MROH9: variants seen among roughly 807,000 people sequenced by gnomAD.
MROH9 encodes maestro heat-like repeat-containing protein family member 9.
A neutral mutation model predicts 98.2 loss-of-function variants in MROH9; 92 were observed. The ratio of observed to expected loss-of-function variants is 0.94; its 90% CI spans 0.79 to 1.11. The LOEUF (loss-of-function observed/expected upper bound fraction) is 1.11. Ranked by LOEUF, MROH9 falls within the 50% of genes most tolerant of loss-of-function variation. MROH9 has a pLI of 0.00. For synonymous variants in MROH9, 397 were observed against 368.9 expected, an observed-to-expected ratio of 1.08 and a Z score of -0.87; for missense variants, 1,057 against 1,014.8, an observed-to-expected ratio of 1.04 and a Z score of -0.57.
intron 15 of MROH9, among the ~76,000 whole-genome samples, chr1:171,007,437 C>A (rs1432790554): frequency 1.3e-5 from 2 of 152,164 alleles, no homozygotes; most frequent in African/African-American, 2.4e-5. Context: ...GGTCCCAGGG[C>A]AGGACTGGCT....
intron 18 of MROH9, 51 bp downstream of exon 18, chr1:171,024,598 T>C: frequency 6.5e-7 from 1 of 1,531,442 alleles, no homozygotes; most frequent in African/African-American, 1.4e-5. Context: ...TTGTAATGTT[T>C]TATCTAACAA....
chr1:171,035,221 T>C lies in MROH9; in HGVS notation c.2281+9801T>C, dbSNP rs115074956. Among the ~76,000 whole-genome samples the C allele has an allele frequency of 4.9e-3, 745 of 151,634 alleles. 6 individuals are homozygous for C. Among genetic ancestry groups the C allele is most frequent in the African/African-American group, 0.017 (697 of 41,392 alleles). On this transcript the variant is annotated intron_variant, in intron 20 of 21. Transcript: ENST00000367759. ...AAATGTATTAATTTTGATATATTAA[T>C]TATAATAACTTAGAAAAAGACAAAA...
intron 20 of MROH9, among the ~76,000 whole-genome samples, chr1:171,039,812 T>A (rs1248143684): frequency 1.3e-5 from 2 of 152,124 alleles, no homozygotes; most frequent in Non-Finnish European, 2.9e-5. Context: ...ATAAAGGACG[T>A]CCCACAAAAC....
At chr1:171,001,764 C>T (rs920869776) in intron 15 of MROH9, among the ~76,000 whole-genome samples, 2 of 152,022 alleles carry the variant, frequency 1.3e-5, no homozygotes, top group East Asian at 3.9e-4. Flanking sequence ...CCATTTGTTC[C>T]AATGTATAGT....
chr1:171,034,084 T>C (rs1382067506), intron 20 of MROH9, among the ~76,000 whole-genome samples: 1 of 152,150 alleles, frequency 6.6e-6, no homozygotes, highest in African/African-American at 2.4e-5. Flanking sequence ...GTCATTAAAC[T>C]TCTTTACTTC....
chr1:171,049,912 G>A (rs1653610786), intron 20 of MROH9, among the ~76,000 whole-genome samples: 7 of 152,024 alleles, frequency 4.6e-5, no homozygotes, highest in Admixed American at 4.6e-4. Context: ...AAACTCTTGG[G>A]CTCAAGCAAT....
At chr1:171,032,186 T>C (rs1652938918) in intron 20 of MROH9, among the ~76,000 whole-genome samples, 1 of 152,230 alleles carries the variant, frequency 6.6e-6, no homozygotes, top group East Asian at 1.9e-4. Context: ...TATAACCTTT[T>C]ATCAAAGTTC....
At chr1:171,011,435 C>CATTG (rs112769921) in intron 15 of MROH9, among the ~76,000 whole-genome samples, 36,256 of 151,902 alleles carry the variant, frequency 0.24, 5,156 homozygotes, top group African/African-American at 0.41. Flanking sequence ...GGAAATAATG[C>CATTG]ATTATTACCA....
intron 8 of MROH9, among the ~76,000 whole-genome samples, chr1:170,980,628 A>G (rs1650893523): frequency 6.6e-6 from 1 of 152,182 alleles, no homozygotes; most frequent in Non-Finnish European, 1.5e-5. Context: ...CTCAAAATGG[A>G]TTAAGACTTA....
chr1:170,967,426 T>A (rs530540248), intron 7 of MROH9, among the ~76,000 whole-genome samples: 11 of 152,266 alleles, frequency 7.2e-5, no homozygotes, highest in African/African-American at 2.6e-4. Flanking sequence ...AACAAAAAAA[T>A]CAAAACACAC....
intron 14 of MROH9, among the ~76,000 whole-genome samples, chr1:170,997,895 G>A (rs954935717): frequency 2.6e-5 from 4 of 152,130 alleles, no homozygotes; most frequent in Non-Finnish European, 5.9e-5. Flanking sequence ...CACTAAAATA[G>A]GACATTCTGT....
chr1:171,028,816 G>A (rs537146966), intron 20 of MROH9, among the ~76,000 whole-genome samples: 1 of 152,136 alleles, frequency 6.6e-6, no homozygotes, highest in South Asian at 2.1e-4. Flanking sequence ...TCATGATTTG[G>A]CTCTCTGTGT....
intron 12 of MROH9, among the ~76,000 whole-genome samples, chr1:170,994,377 T>C (rs1651475719): frequency 6.6e-6 from 1 of 152,194 alleles, no homozygotes; most frequent in Non-Finnish European, 1.5e-5. Context: ...GTACATATGT[T>C]ATTATTGCCT....
At chr1:171,025,826 T>A (rs888179582) in intron 20 of MROH9, among the ~76,000 whole-genome samples, 6 of 152,038 alleles carry the variant, frequency 3.9e-5, no homozygotes, top group African/African-American at 1.4e-4. Flanking sequence ...CCAAACCCAC[T>A]AAAGTTTTAA....
chr1:171,044,151 G>A (rs78488303), intron 20 of MROH9, among the ~76,000 whole-genome samples: 1,918 of 152,138 alleles, frequency 0.013, 20 homozygotes, highest in South Asian at 0.032. Context: ...CATCTATGCA[G>A]TTTTTTAAGG....
chr1:171,044,236 T>C (rs1290034723), intron 20 of MROH9, among the ~76,000 whole-genome samples: 1 of 152,200 alleles, frequency 6.6e-6, no homozygotes, highest in Non-Finnish European at 1.5e-5. Context: ...TGGTTTTATC[T>C]TTCATTCTGT....
chr1:171,014,809 C>T (rs1041681950), intron 16 of MROH9, among the ~76,000 whole-genome samples: 1 of 152,240 alleles, frequency 6.6e-6, no homozygotes, highest in Non-Finnish European at 1.5e-5. Context: ...CTTGAACCAG[C>T]AGTATCAGCA....
At chr1:171,052,384 G>T (rs148546668) in intron 20 of MROH9, among the ~76,000 whole-genome samples, 1 of 152,134 alleles carries the variant, frequency 6.6e-6, no homozygotes, top group Non-Finnish European at 1.5e-5. Context: ...AATCCAGGGG[G>T]TAAAGCACCC....
intron 15 of MROH9, among the ~76,000 whole-genome samples, chr1:171,007,591 T>C (rs926679031): frequency 6.6e-6 from 1 of 152,154 alleles, no homozygotes; most frequent in Non-Finnish European, 1.5e-5. Flanking sequence ...TAAAAGGGGC[T>C]GGAGTCAAGG....
Sources: allele counts gnomAD v4.1 joint callset (sites outside exome capture counted in the v4.1 genomes callset), GRCh38; gene constraint gnomAD v4.1.1; transcripts MANE v1.5; gene names NCBI Gene and HGNC (gene_info 2026-07-23, HGNC 2026-07-21).